The following SH2D7 variants were observed in gnomAD, a reference collection of about 807,000 sequenced individuals.
The protein encoded by SH2D7 is SH2 domain-containing protein 7.
A neutral mutation model predicts 40.8 loss-of-function variants in SH2D7; 32 were observed. That is an observed-to-expected ratio of 0.78 (90% confidence interval 0.59 to 1.05). The LOEUF (loss-of-function observed/expected upper bound fraction) is 1.05, where lower values mean the gene tolerates loss of function less well. SH2D7 is among the 50% of genes least tolerant of loss of function. The probability of loss-of-function intolerance (pLI) is 0.00; values close to 1 mark genes in which losing one functional copy is unlikely to be tolerated. For synonymous variants in SH2D7, 195 were observed against 221.5 expected, an observed-to-expected ratio of 0.88 and a Z score of 1.06; for missense variants, 559 against 566.6, an observed-to-expected ratio of 0.99 and a Z score of 0.14.
At chr15:78,097,181 A>G (rs2073977622) in intron 2 of SH2D7, among the ~76,000 whole-genome samples, 2 of 152,384 alleles carry the variant, frequency 1.3e-5, no homozygotes, top group African/African-American at 2.4e-5. Context: ...CTATGCTGAT[A>G]GGCGTCGGAA....
chr15:78,094,034 T>G, intron 1 of SH2D7, 78 bp from the exon 2 acceptor site: 1 of 1,415,502 alleles, frequency 7.1e-7, no homozygotes, highest in Non-Finnish European at 9.7e-7. Context: ...CAGCAGGGAT[T>G]CCAAGAGAGG....
intron 5 of SH2D7, 124 bp from the exon 6 acceptor site, chr15:78,103,341 C>A: frequency 9.1e-7 from 1 of 1,097,092 alleles, no homozygotes. Context: ...TATCAGAATT[C>A]CAACCTGGCC....
At position 78,096,660 on chromosome 15, in the gene SH2D7, AT is replaced by A. The variant is rs112148755; in HGVS notation, c.267-1256del. 7.1e-3 allele frequency among the ~76,000 whole-genome samples: 1,030 copies of A among 145,756 alleles called. 9 individuals carry two copies. The highest frequency in any genetic ancestry group is 8.8e-3 in the Non-Finnish European group (580 of 66,264). ...ACAGGCAACCACCACGACACCGGCT[AT>A]TTTTTTTTTTTTAATTTTTAGTAGA... is the stretch of plus-strand genomic sequence containing the variant. On this transcript the variant is annotated intron_variant, in intron 2 of 5. Transcript: ENST00000328828.
chr15:78,097,459 G>A (rs771879041), intron 2 of SH2D7, among the ~76,000 whole-genome samples: 2 of 152,204 alleles, frequency 1.3e-5, no homozygotes, highest in Non-Finnish European at 2.9e-5. Flanking sequence ...ATTGCAGCAG[G>A]GTGGGGAGTA....
At chr15:78,099,519 T>A (rs1596341588) in intron 4 of SH2D7, among the ~76,000 whole-genome samples, 1 of 137,320 alleles carries the variant, frequency 7.3e-6, no homozygotes. Flanking sequence ...TAGAGACGGG[T>A]TTTCGCCATG....
At chr15:78,091,679 C>T (rs949618079), upstream of SH2D7, among the ~76,000 whole-genome samples, 2 of 152,216 alleles carry the variant, frequency 1.3e-5, no homozygotes, top group African/African-American at 4.8e-5. Context: ...AGCTTCCTAC[C>T]ACAGGCCTAT....
intron 5 of SH2D7, 115 bp from the exon 6 acceptor site, chr15:78,103,350 C>A: frequency 1.7e-6 from 2 of 1,185,704 alleles, no homozygotes; most frequent in Non-Finnish European, 2.4e-6. Context: ...TCCAACCTGG[C>A]CTCATGTCCT....
chr15:78,099,482 T>C (rs1380913893), intron 4 of SH2D7, among the ~76,000 whole-genome samples: 1 of 67,248 alleles, frequency 1.5e-5, no homozygotes, highest in East Asian at 3.0e-4. Flanking sequence ...CCTGGCTAAT[T>C]TTTTTTTTTT....
chr15:78,098,995 T>C (rs2073994593), intron 4 of SH2D7, among the ~76,000 whole-genome samples: 1 of 151,722 alleles, frequency 6.6e-6, no homozygotes. Flanking sequence ...TAGCACCCCA[T>C]GGACTCAGAA....
intron 4 of SH2D7, among the ~76,000 whole-genome samples, chr15:78,100,345 C>G (rs140201103): frequency 6.6e-6 from 1 of 151,968 alleles, no homozygotes; most frequent in Non-Finnish European, 1.5e-5. Context: ...GGGAGGAGCA[C>G]GGGAAGGGAA....
At chr15:78,099,197 G>T (rs780953036) in intron 4 of SH2D7, among the ~76,000 whole-genome samples, 1 of 151,708 alleles carries the variant, frequency 6.6e-6, no homozygotes, top group Non-Finnish European at 1.5e-5. Flanking sequence ...TTGTATTTTT[G>T]GTAGTAACAG....
In SH2D7 at chr15:78,101,099, G is replaced by T. The variant is rs2074011635; in HGVS notation, c.846G>T (p.Arg282Ser). The T allele has an allele frequency of 6.3e-7, 1 of 1,579,230 alleles. No individual in the cohort carries two copies. The highest frequency in any genetic ancestry group is 8.6e-7 in the Non-Finnish European group (1 of 1,165,910). ...QAYSPGREAQ[R>S]RLSDGEQNRP... The stretch of plus-strand genomic sequence containing the variant: ...ACTCCCCAGGCAGGGAGGCCCAAAG[G>T]AGACTCTCAGATGGAGAACAGAACA... The change falls in exon 5 of 6, where the codon AGG becomes AGT. Residue 282 changes from arginine (R) to serine (S), a missense_variant. Coordinates refer to ENST00000328828, the MANE Select transcript of SH2D7 (RefSeq NM_001101404.2).
chr15:78,100,641 G>A (rs1015799797), intron 4 of SH2D7, among the ~76,000 whole-genome samples: 10 of 152,178 alleles, frequency 6.6e-5, no homozygotes, highest in Admixed American at 2.0e-4. Flanking sequence ...AGGTTGTAAT[G>A]AGCTGAGATT....
chr15:78,101,608 G>C, intron 5 of SH2D7, 50 bp downstream of exon 5: 3 of 1,502,654 alleles, frequency 2.0e-6, no homozygotes, highest in Non-Finnish European at 1.8e-6. Flanking sequence ...GAGAGCACCT[G>C]GTGGTAGGAG....
rs199901394 is a variant in SH2D7 at position 78,101,404 on chromosome 15, C to T, written c.1151C>T (p.Pro384Leu). The T allele has an allele frequency of 1.1e-5, 17 of 1,613,520 alleles. No homozygotes were observed. In the East Asian group the frequency reaches 3.3e-4, roughly 32 times the overall value. Residue 384 changes from proline (P) to leucine (L), a missense_variant, in exon 5 of 6, where the codon CCA becomes CTA. Coordinates refer to ENST00000328828, the MANE Select transcript of SH2D7 (RefSeq NM_001101404.2). ...CAGATCCCAGCTTGCTGGGGTGGCC[C>T]AGCCAGGGCCCCACATCCTGGGGCC... ...YEQIPACWGGPARAPHPGASP... is the reference protein window; with the variant it reads ...YEQIPACWGGLARAPHPGASP...
At position 78,101,567 on chromosome 15, in the gene SH2D7, C is replaced by T; in HGVS notation, c.1305+9C>T. ...CTGGACGGACACACAAGGTGAGCTC[C>T]ATGATGGGGTGGGGCGGCTCCCAGC... On this transcript the variant is annotated intron_variant, in intron 5 of 5. Transcript: ENST00000328828. The T allele has an allele frequency of 6.4e-7, 1 of 1,561,976 alleles. No individual in the cohort carries two copies. The highest frequency in any genetic ancestry group is 8.6e-7 in the Non-Finnish European group (1 of 1,156,290).
chr15:78,090,304 A>G (rs1168060567), upstream of SH2D7, among the ~76,000 whole-genome samples: 1 of 152,190 alleles, frequency 6.6e-6, no homozygotes, highest in African/African-American at 2.4e-5. Context: ...GCTACTCAGG[A>G]GGCTGAGGCA....
chr15:78,096,341 C>T (rs1012683115), intron 2 of SH2D7, among the ~76,000 whole-genome samples: 2 of 152,012 alleles, frequency 1.3e-5, no homozygotes, highest in Non-Finnish European at 2.9e-5. Flanking sequence ...ACTGAGCAGG[C>T]ACTTTACCAA....
In SH2D7 at chr15:78,101,082, G is replaced by A. The variant is rs375302484; in HGVS notation, c.829G>A (p.Gly277Ser). The A allele has an allele frequency of 2.8e-5, 44 of 1,592,384 alleles. No homozygotes were observed. The South Asian group carries it at 4.5e-4, about 16-fold the overall frequency. Residue 277 changes from glycine to serine, a missense_variant, in exon 5 of 6, where the codon GGC (glycine) becomes AGC (serine). By Grantham distance (56) the Gly-to-Ser change is moderately conservative (BLOSUM62 0). Transcript: ENST00000328828. ...AGCTGGCAGCCAGGCCTACTCCCCA[G>A]GCAGGGAGGCCCAAAGGAGACTCTC... is the stretch of plus-strand genomic sequence containing the variant. Reference protein sequence around the residue: ...VPAGSQAYSPGREAQRRLSDG... With the variant: ...VPAGSQAYSPSREAQRRLSDG...
Sources: allele counts gnomAD v4.1 joint callset (sites outside exome capture counted in the v4.1 genomes callset), GRCh38; gene constraint gnomAD v4.1.1; transcripts MANE v1.5; gene names NCBI Gene and HGNC (gene_info 2026-07-23, HGNC 2026-07-21).